Variants in ZFP14 observed in about 807,000 individuals in gnomAD.
ZFP14 encodes the protein ZFP14 zinc finger protein.
In ZFP14, 22 loss-of-function variants were observed where a neutral mutation model predicts 54.5. The observed-to-expected ratio is 0.40, with a 90% confidence interval of 0.29 to 0.58. The LOEUF is 0.58. Ranked by LOEUF, ZFP14 falls within the 20% of genes least tolerant of loss-of-function variation. ZFP14 has a pLI of 0.39. For synonymous variants in ZFP14, 159 were observed against 204.0 expected (o/e 0.78, Z 1.88); for missense variants, 470 against 637.8 (o/e 0.74, Z 2.83).
At chr19:36,347,789 A>C (rs545402368) in intron 4 of ZFP14, among the ~76,000 whole-genome samples, 30 of 152,272 alleles carry the variant, frequency 2.0e-4, no homozygotes, top group African/African-American at 6.7e-4. Flanking sequence ...GGCTGTGCGC[A>C]GTGGCTCACG....
In ZFP14 at chr19:36,367,987, G is replaced by T. The variant is rs2031821412; in HGVS notation, c.-79-16C>A. 6 of 1,421,092 alleles carry T rather than the reference G, an allele frequency of 4.2e-6. No individual in the cohort carries two copies. In the South Asian group the frequency reaches 4.4e-5, roughly 10 times the overall value. 88.0% of individuals were successfully genotyped at this position (1,421,092 alleles called of 1,614,324 possible). A position where few individuals can be genotyped will look rare whatever the true frequency, so the allele number is the denominator to read the frequency against. On this transcript the variant is annotated splice_polypyrimidine_tract_variant and intron_variant, in intron 1 of 4. Transcript: ENST00000270001. ...TAAGCCAGAGCTGAAAGAAGAAAAA[G>T]AAACCATGAAATAAGCTGCGCCACA... is the stretch of plus-strand genomic sequence containing the variant.
At chr19:36,353,697 CAA>C (rs35323856) in intron 4 of ZFP14, among the ~76,000 whole-genome samples, 7 of 80,838 alleles carry the variant, frequency 8.7e-5, no homozygotes, top group Admixed American at 3.0e-4. Context: ...GACTCCATCT[CAA>C]AAAAAAAAAA....
chr19:36,361,140 G>C (rs891645113), intron 3 of ZFP14, among the ~76,000 whole-genome samples: 2 of 152,080 alleles, frequency 1.3e-5, no homozygotes, highest in African/African-American at 2.4e-5. Flanking sequence ...ATCTTTTCTA[G>C]GATATTCATT....
chr19:36,355,961 C>G (rs1445530531), intron 4 of ZFP14, among the ~76,000 whole-genome samples: 1 of 142,560 alleles, frequency 7.0e-6, no homozygotes, highest in Non-Finnish European at 1.6e-5. Context: ...AGAGTAGCCC[C>G]TCTCTTTGTC....
chr19:36,341,491 T>C lies in ZFP14; in HGVS notation c.335A>G (p.Tyr112Cys), dbSNP rs762489285. 87 of 1,613,738 alleles carry C rather than the reference T, an allele frequency of 5.4e-5. No individual in the cohort carries two copies. The highest frequency in any genetic ancestry group is 6.8e-5 in the Non-Finnish European group (80 of 1,179,958). ...CCTAAAAATGGAACCCTGAAGGCTA[T>C]AGCTTTTAATTCTTTCCATTATATC... is the stretch of plus-strand genomic sequence containing the variant. ...QWDIMERIKS[Y>C]SLQGSIFRND... The change falls in exon 5 of 5, where the codon TAT becomes TGT. Residue 112 changes from tyrosine (Y) to cysteine (C), a missense_variant. By Grantham distance (194) the Tyr-to-Cys change is radical (BLOSUM62 -2). Coordinates refer to ENST00000270001, the MANE Select transcript of ZFP14 (RefSeq NM_020917.3). This position sits in a 1 kb window ranked among gnomAD's most constrained non-coding sequence, Gnocchi z 4.2.
intron 1 of ZFP14, among the ~76,000 whole-genome samples, chr19:36,370,397 C>G (rs1414239913): frequency 6.6e-6 from 1 of 152,224 alleles, no homozygotes; most frequent in Non-Finnish European, 1.5e-5. Flanking sequence ...CACAGACTGA[C>G]CCTCTAGACC....
At chr19:36,357,769 G>T (rs2031640562) in intron 4 of ZFP14, among the ~76,000 whole-genome samples, 1 of 151,264 alleles carries the variant, frequency 6.6e-6, no homozygotes, top group Non-Finnish European at 1.5e-5. Context: ...TGAGATAAGA[G>T]TCTCACTCTG....
In ZFP14 at chr19:36,343,143, A is replaced by G. The variant is rs55788063; in HGVS notation, c.236-1553T>C. 1.9e-3 allele frequency among the ~76,000 whole-genome samples: 294 copies of G among 152,296 alleles called. 2 individuals are homozygous for G. The highest frequency in any genetic ancestry group is 6.8e-3 in the African/African-American group (281 of 41,546). On this transcript the variant is annotated intron_variant, in intron 4 of 4. Transcript: ENST00000270001. ...AACTATGCAGAGGTGTTTTTAACTGACTGAAACCATCTATAGGACAAAGTC... is the reference window on the plus strand; with the variant it reads ...AACTATGCAGAGGTGTTTTTAACTGGCTGAAACCATCTATAGGACAAAGTC...
At chr19:36,368,752 AC>A (rs1262409999) in intron 1 of ZFP14, among the ~76,000 whole-genome samples, 2 of 152,104 alleles carry the variant, frequency 1.3e-5, no homozygotes, top group African/African-American at 2.4e-5. Context: ...ATGTGAGGCT[AC>A]CCTTGCCTTC....
intron 4 of ZFP14, among the ~76,000 whole-genome samples, chr19:36,349,180 G>A (rs1299476409): frequency 2.4e-5 from 3 of 124,028 alleles, no homozygotes; most frequent in East Asian, 2.7e-4. Context: ...TCAGTGAGCC[G>A]AGATTATGCC....
At chr19:36,343,633 GTATTAT>G (rs991050650) in intron 4 of ZFP14, among the ~76,000 whole-genome samples, 7 of 152,162 alleles carry the variant, frequency 4.6e-5, no homozygotes, top group African/African-American at 1.7e-4. Flanking sequence ...GAAAAGGAAT[GTATTAT>G]TATTATTTCT....
At position 36,342,664 on chromosome 19, in the gene ZFP14, G is replaced by C. The variant is rs572348544; in HGVS notation, c.236-1074C>G. Among the ~76,000 whole-genome samples the C allele has an allele frequency of 2.0e-5, 3 of 152,308 alleles. No individual in the cohort carries two copies. The East Asian group carries it at 5.8e-4, about 29-fold the overall frequency. On this transcript the variant is annotated intron_variant, in intron 4 of 4. Coordinates refer to ENST00000270001, the MANE Select transcript of ZFP14 (RefSeq NM_020917.3). ...TGAAAATAAAGCCCAGAGCCAGTGA[G>C]GACATCATTAAGGTGGGAGTAAGGT...
intron 1 of ZFP14, among the ~76,000 whole-genome samples, chr19:36,368,404 G>T (rs1281773713): frequency 6.6e-6 from 1 of 152,188 alleles, no homozygotes; most frequent in Admixed American, 6.5e-5. Flanking sequence ...GGAGGCGGAG[G>T]TTGCGGTGAG....
chr19:36,371,529 T>C (rs867171586), intron 1 of ZFP14, among the ~76,000 whole-genome samples: 5 of 152,054 alleles, frequency 3.3e-5, no homozygotes, highest in African/African-American at 1.2e-4. Context: ...TCTAAAAATA[T>C]ACAGTTGGAT....
In ZFP14 at chr19:36,338,857, A is replaced by G. The variant is rs549580625; in HGVS notation, c.*1367T>C. 6.6e-6 allele frequency: 1 copy of G among 152,336 alleles called. No individual in the cohort carries two copies. Among genetic ancestry groups the G allele is most frequent in the Non-Finnish European group, 1.5e-5 (1 of 68,028 alleles). 9.4% of individuals were successfully genotyped at this position (152,336 alleles called of 1,614,324 possible). On this transcript the variant is annotated 3_prime_UTR_variant, in exon 5 of 5. Transcript: ENST00000270001. ...CACAGGAGTTTTATACACACACATA[A>G]ATATACACAACAATATTAAATTCCT...
chr19:36,367,285 C>T (rs1474833903), intron 2 of ZFP14, among the ~76,000 whole-genome samples: 2 of 152,036 alleles, frequency 1.3e-5, no homozygotes, highest in Admixed American at 6.6e-5. Context: ...AAAGCGGTTC[C>T]ACTGGAAGAT....
chr19:36,366,907 A>C (rs558741016), intron 2 of ZFP14, among the ~76,000 whole-genome samples: 1 of 152,250 alleles, frequency 6.6e-6, no homozygotes, highest in South Asian at 2.1e-4. Flanking sequence ...TAATCTTAGC[A>C]CTCTGGGAGG....
Position 36,360,429 on chromosome 19 carries a change from A to G in ZFP14, c.235+6T>C. 1 of 1,610,126 alleles carries G rather than the reference A, an allele frequency of 6.2e-7. No homozygotes were observed. Among genetic ancestry groups the G allele is most frequent in the Non-Finnish European group, 8.5e-7 (1 of 1,177,728 alleles). On this transcript the variant is annotated splice_donor_region_variant and intron_variant, in intron 4 of 4. Coordinates refer to ENST00000270001, the MANE Select transcript of ZFP14 (RefSeq NM_020917.3). ...ATTTCTCAATGCCTGCTCAGCCCTC[A>G]CTCACCAGGGCAGTATCTTCTTGTC...
In ZFP14 at chr19:36,367,974, G is replaced by T; in HGVS notation, c.-79-3C>A. ...TATGGAGTCCTGATAAGCCAGAGCT[G>T]AAAGAAGAAAAAGAAACCATGAAAT... On this transcript the variant is annotated splice_polypyrimidine_tract_variant and splice_region_variant and intron_variant, in intron 1 of 4. Transcript: ENST00000270001. The T allele has an allele frequency of 6.8e-7, 1 of 1,468,786 alleles. No homozygotes were observed. The allele number at this position is 1,468,786 out of a possible 1,614,324, so 91.0% of individuals were successfully genotyped here. A position where few individuals can be genotyped will look rare whatever the true frequency, so the allele number is the denominator to read the frequency against.
Sources: allele counts gnomAD v4.1 joint callset (sites outside exome capture counted in the v4.1 genomes callset), GRCh38; gene constraint gnomAD v4.1.1; non-coding constraint Gnocchi (gnomAD v3.1); transcripts MANE v1.5; gene names NCBI Gene and HGNC (gene_info 2026-07-23, HGNC 2026-07-21).